The following ZNF385D variants were observed in gnomAD, a reference collection of about 807,000 sequenced individuals.
ZNF385D encodes zinc finger protein 659.
Under a neutral mutation model 35.8 loss-of-function variants are expected in ZNF385D, and 15 were observed. The observed-to-expected ratio is 0.42, with a 90% CI of 0.28 to 0.64. The LOEUF (loss-of-function observed/expected upper bound fraction) is 0.64, where lower values mean the gene tolerates loss of function less well. Ranked by LOEUF, ZNF385D falls within the 30% of genes least tolerant of loss-of-function variation. ZNF385D has a pLI of 0.23. For synonymous variants in ZNF385D, 212 were observed against 186.8 expected, an observed-to-expected ratio of 1.13 and a Z score of -1.10; for missense variants, 474 against 494.6, an observed-to-expected ratio of 0.96 and a Z score of 0.39.
chr3:21,577,202 G>A (rs976179735), intron 2 of ZNF385D, among the ~76,000 whole-genome samples: 2 of 151,986 alleles, frequency 1.3e-5, no homozygotes, highest in African/African-American at 4.8e-5. Flanking sequence ...CTATTCTACT[G>A]TTTACTTCTA....
intron 3 of ZNF385D, among the ~76,000 whole-genome samples, chr3:22,027,401 A>G (rs898853574): frequency 2.0e-5 from 3 of 152,208 alleles, no homozygotes; most frequent in African/African-American, 7.2e-5. Flanking sequence ...AGCAGATCCA[A>G]TAGTGCTTGA....
At chr3:21,796,757 C>CTAG (rs2125674975) in intron 3 of ZNF385D, among the ~76,000 whole-genome samples, 1 of 152,286 alleles carries the variant, frequency 6.6e-6, no homozygotes, top group Admixed American at 6.5e-5. Context: ...GAGTGACTTA[C>CTAG]TCAAGGTGAC....
chr3:22,242,175 T>C (rs1468352048), intron 2 of ZNF385D, among the ~76,000 whole-genome samples: 1 of 150,732 alleles, frequency 6.6e-6, no homozygotes, highest in African/African-American at 2.5e-5. Context: ...TGTATACATA[T>C]GTAACTAACC....
intron 3 of ZNF385D, among the ~76,000 whole-genome samples, chr3:22,040,037 C>T (rs926273858): frequency 6.6e-6 from 1 of 152,134 alleles, no homozygotes; most frequent in Non-Finnish European, 1.5e-5. Context: ...CTCAACCTGG[C>T]CATGCATTCG....
At chr3:22,084,642 A>G (rs1700932191) in intron 3 of ZNF385D, among the ~76,000 whole-genome samples, 1 of 152,190 alleles carries the variant, frequency 6.6e-6, no homozygotes, top group African/African-American at 2.4e-5. Flanking sequence ...AGACTTTAAC[A>G]ACCCACTGTC....
At chr3:21,766,410 C>G (rs2070832378) in intron 3 of ZNF385D, among the ~76,000 whole-genome samples, 1 of 152,062 alleles carries the variant, frequency 6.6e-6, no homozygotes, top group Admixed American at 6.6e-5. Context: ...GTGATAGAAC[C>G]TGAAATGATG....
chr3:21,435,478 C>A (rs943099999), intron 5 of ZNF385D, among the ~76,000 whole-genome samples: 2 of 151,894 alleles, frequency 1.3e-5, no homozygotes, highest in Non-Finnish European at 1.5e-5. Context: ...GTTGCCCAGG[C>A]TGGTCTCAAA....
intron 3 of ZNF385D, among the ~76,000 whole-genome samples, chr3:21,857,236 T>C (rs1696770896): frequency 6.6e-6 from 1 of 152,104 alleles, no homozygotes; most frequent in African/African-American, 2.4e-5. Context: ...ATTTTTTCTA[T>C]ATTTTTATTG....
rs146682875 is a variant in ZNF385D, at chr3:22,104,686, A to G, written c.325+64131T>C. Among the ~76,000 whole-genome samples, 1,069 of 152,250 alleles carry G rather than the reference A, an allele frequency of 7.0e-3. 13 individuals are homozygous for G. The highest frequency in any genetic ancestry group is 7.8e-3 in the Non-Finnish European group (533 of 68,014). ...AGAAGTTGTGACTCTTTCCCTACCC[A>G]TAACTAGAAAGAAAAATGGTTCCAA... is the stretch of plus-strand genomic sequence containing the variant. On this transcript the variant is annotated intron_variant, in intron 3 of 5. Transcript: ENST00000494108.
At chr3:22,022,303 G>A (rs543241327) in intron 3 of ZNF385D, among the ~76,000 whole-genome samples, 43 of 152,104 alleles carry the variant, frequency 2.8e-4, no homozygotes, top group South Asian at 6.2e-4. Context: ...TAAGTTTATC[G>A]TACATTAATT....
rs370469654 is a variant in ZNF385D at position 22,171,876 on chromosome 3, CAA to C, written c.107-2843_107-2842del. Among the ~76,000 whole-genome samples, 697 of 100,674 alleles carry C rather than the reference CAA, an allele frequency of 6.9e-3. 3 individuals are homozygous for C. Among genetic ancestry groups the C allele is most frequent in the African/African-American group, 0.025 (656 of 26,182 alleles). The allele number at this position is 100,674 out of a possible 152,430, so 66.0% of individuals were successfully genotyped here. On this transcript the variant is annotated intron_variant, in intron 2 of 5. Coordinates refer to the ZNF385D transcript ENST00000494108. ...TGGGCAACAGAGCAAGACTCGGTCT[CAA>C]AAAAAAAAAAAAAAAAAAAAAAAAT...
At chr3:22,107,313 G>T (rs1001108409) in intron 3 of ZNF385D, among the ~76,000 whole-genome samples, 1 of 151,838 alleles carries the variant, frequency 6.6e-6, no homozygotes, top group African/African-American at 2.4e-5. Context: ...ACGAGCCACC[G>T]CACCAAGCCT....
intron 3 of ZNF385D, among the ~76,000 whole-genome samples, chr3:22,110,263 T>C (rs1033324404): frequency 2.0e-5 from 3 of 151,958 alleles, no homozygotes; most frequent in African/African-American, 4.8e-5. Context: ...AGAAATACCA[T>C]TTGACCCAGC....
At chr3:21,803,757 C>T (rs2072512992) in intron 3 of ZNF385D, among the ~76,000 whole-genome samples, 2 of 152,094 alleles carry the variant, frequency 1.3e-5, no homozygotes, top group African/African-American at 4.8e-5. Flanking sequence ...AATCTAAGTA[C>T]TTACTGAATA....
intron 2 of ZNF385D, among the ~76,000 whole-genome samples, chr3:22,342,795 A>T (rs1695484404): frequency 6.6e-6 from 1 of 152,230 alleles, no homozygotes; most frequent in South Asian, 2.1e-4. Flanking sequence ...GATTATAATT[A>T]AGTCATGTGC....
At chr3:21,937,930 A>G (rs1701338338) in intron 3 of ZNF385D, among the ~76,000 whole-genome samples, 1 of 152,208 alleles carries the variant, frequency 6.6e-6, no homozygotes, top group Non-Finnish European at 1.5e-5. Flanking sequence ...AGAAAATAAC[A>G]TTCTTCAAAA....
intron 2 of ZNF385D, among the ~76,000 whole-genome samples, chr3:21,599,868 T>C (rs969439566): frequency 2.6e-5 from 4 of 152,000 alleles, no homozygotes; most frequent in Non-Finnish European, 4.4e-5. Context: ...CTGGGTAAAA[T>C]GATGTTGAGA....
chr3:22,339,462 C>T (rs1031849228), intron 2 of ZNF385D, among the ~76,000 whole-genome samples: 3 of 152,140 alleles, frequency 2.0e-5, no homozygotes, highest in Admixed American at 2.0e-4. Context: ...TCTCTACCAT[C>T]AAAGGGTTCT....
intron 2 of ZNF385D, among the ~76,000 whole-genome samples, chr3:21,571,542 T>C (rs7626779): frequency 0.69 from 104,566 of 151,978 alleles, 36,982 homozygotes; most frequent in African/African-American, 0.87. Context: ...TTCAAAATGG[T>C]TGTTACAGTA....
Sources: gnomAD v4.1 joint callset for allele counts (sites outside exome capture counted in the v4.1 genomes callset) on GRCh38, gnomAD v4.1.1 for gene constraint, MANE v1.5 for transcripts, NCBI Gene and HGNC (gene_info 2026-07-23, HGNC 2026-07-21) for gene names.